The following POLA2 variants were observed in gnomAD, a reference collection of about 807,000 sequenced individuals.
POLA2 encodes DNA polymerase alpha 2, accessory subunit.
POLA2 carries 47 observed loss-of-function variants against 82.8 expected under a neutral mutation model. The observed-to-expected ratio is 0.57, with a 90% confidence interval of 0.45 to 0.72. The LOEUF is 0.72. POLA2 is among the 30% of genes least tolerant of loss of function. The probability of loss-of-function intolerance (pLI) is 0.00; values close to 1 mark genes in which losing one functional copy is unlikely to be tolerated. For missense variants in POLA2, 634 were observed against 728.1 expected, an observed-to-expected ratio of 0.87 and a Z score of 1.49; for synonymous variants, 287 against 286.8, an observed-to-expected ratio of 1.00 and a Z score of -0.01.
chr11:65,303,022 T>A (rs1254172333), downstream of POLA2, among the ~76,000 whole-genome samples: 1 of 152,082 alleles, frequency 6.6e-6, no homozygotes, highest in Non-Finnish European at 1.5e-5. Flanking sequence ...TGTTTGAAAT[T>A]TTTTACCATG....
intron 12 of POLA2, 98 bp from the exon 13 acceptor site, chr11:65,289,701 C>T: frequency 1.4e-6 from 1 of 733,422 alleles, no homozygotes; most frequent in Non-Finnish European, 2.4e-6. Context: ...CAGCTCCTAG[C>T]CCAACAGCTG....
Position 65,266,572 on chromosome 11 carries a change from C to G in POLA2, c.80-10C>G. 4 of 1,613,028 alleles carry G rather than the reference C, an allele frequency of 2.5e-6. No individual in the cohort carries two copies. The highest frequency in any genetic ancestry group is 3.4e-6 in the Non-Finnish European group (4 of 1,179,552). ...CTAAGTTTTTACTTGTCCAATTTTC[C>G]TTTCTACAGTGGTAGAGCTTTGTGT... On this transcript the variant is annotated splice_polypyrimidine_tract_variant and intron_variant, in intron 1 of 17. Coordinates refer to ENST00000265465, the MANE Select transcript of POLA2 (RefSeq NM_002689.4).
intron 3 of POLA2, among the ~76,000 whole-genome samples, 154 bp from the exon 4 acceptor site, chr11:65,268,515 ATTT>A (rs988249574): frequency 1.3e-5 from 2 of 149,740 alleles, no homozygotes; most frequent in East Asian, 3.9e-4. Context: ...AATTTTTTGT[ATTT>A]TTTTTAGTAG....
chr11:65,287,524 CT>C, intron 10 of POLA2, 191 bp from the exon 11 acceptor site: 1 of 405,612 alleles, frequency 2.5e-6, no homozygotes, highest in African/African-American at 2.2e-5. Context: ...ACCTGCCTGT[CT>C]CTGTCTCTAT....
intron 1 of POLA2, among the ~76,000 whole-genome samples, chr11:65,264,718 C>T (rs1029210516): frequency 6.6e-6 from 1 of 152,224 alleles, no homozygotes; most frequent in Admixed American, 6.5e-5. Context: ...TTTCCGTATT[C>T]CTAGCAAAAT....
In POLA2 at chr11:65,294,235, T is replaced by A. The variant is rs754266205; in HGVS notation, c.1327T>A (p.Ser443Thr). The change falls in exon 14 of 18, where the codon TCC becomes ACC. Residue 443 changes from serine (S) to threonine (T), a missense_variant. Ser to Thr is a moderately conservative substitution (Grantham distance 58). Transcript: ENST00000265465. ...PVYPQPPFSYSDLSREDKKQV... is the reference protein window; with the variant it reads ...PVYPQPPFSYTDLSREDKKQV... ...GTACCCCCAGCCGCCTTTCAGCTAC[T>A]CCGATCTGTCTCGAGAGGACAAAAA... 6.2e-7 allele frequency: 1 copy of A among 1,614,092 alleles called. No individual in the cohort carries two copies. Among genetic ancestry groups the A allele is most frequent in the Non-Finnish European group, 8.5e-7 (1 of 1,179,958 alleles).
At chr11:65,281,586 A>G (rs1056922855) in intron 8 of POLA2, 84 bp from the exon 9 acceptor site, 2 of 989,940 alleles carry the variant, frequency 2.0e-6, no homozygotes, top group South Asian at 2.6e-5. Context: ...TAGTTGGACA[A>G]TGCTTTTAAC....
chr11:65,275,712 G>A (rs1270242343), intron 4 of POLA2, among the ~76,000 whole-genome samples, 180 bp from the exon 5 acceptor site: 1 of 152,200 alleles, frequency 6.6e-6, no homozygotes, highest in Non-Finnish European at 1.5e-5. Flanking sequence ...GTTGGTTACA[G>A]TTGTTGAAGA....
chr11:65,271,154 T>TAAG (rs1949517164), intron 4 of POLA2, among the ~76,000 whole-genome samples: 1 of 152,254 alleles, frequency 6.6e-6, no homozygotes, highest in Non-Finnish European at 1.5e-5. Context: ...CTTTTTTGTT[T>TAAG]TAGTCGGCCT....
intron 10 of POLA2, among the ~76,000 whole-genome samples, chr11:65,284,725 C>G (rs924984330): frequency 1.1e-4 from 16 of 152,002 alleles, no homozygotes; most frequent in Non-Finnish European, 4.4e-5. Flanking sequence ...TGGGGTTTCT[C>G]CATGTTGGTC....
At chr11:65,302,515 TA>T (rs1949864294), downstream of POLA2, among the ~76,000 whole-genome samples, 1 of 152,068 alleles carries the variant, frequency 6.6e-6, no homozygotes, top group Admixed American at 6.5e-5. Context: ...TCCCAGCGAA[TA>T]GGGGGAAAAG....
chr11:65,280,211 G>A (rs1949625916), intron 7 of POLA2, among the ~76,000 whole-genome samples: 1 of 152,226 alleles, frequency 6.6e-6, no homozygotes, highest in African/African-American at 2.4e-5. Context: ...ATGCAGAACT[G>A]TGTCATAGAA....
intron 13 of POLA2, among the ~76,000 whole-genome samples, chr11:65,290,417 TC>T (rs1949742833): frequency 1.3e-5 from 2 of 151,798 alleles, no homozygotes. Context: ...ATGCCTGTAA[TC>T]CCAACTACTG....
At chr11:65,302,553 C>T (rs1384978021), downstream of POLA2, among the ~76,000 whole-genome samples, 2 of 152,158 alleles carry the variant, frequency 1.3e-5, no homozygotes, top group African/African-American at 2.4e-5. Flanking sequence ...TTCCTGGCAG[C>T]TTCTTCCCTT....
intron 4 of POLA2, among the ~76,000 whole-genome samples, chr11:65,270,898 T>C (rs1949514529): frequency 6.6e-6 from 1 of 152,232 alleles, no homozygotes; most frequent in African/African-American, 2.4e-5. Context: ...CCTCCTGATA[T>C]GCAAAGTTTG....
chr11:65,265,160 T>G (rs559412745), intron 1 of POLA2, among the ~76,000 whole-genome samples: 1 of 146,546 alleles, frequency 6.8e-6, no homozygotes. Flanking sequence ...ATCGGGGAGG[T>G]GGAGGTTGCA....
At chr11:65,276,851 G>T (rs1337566957) in intron 5 of POLA2, among the ~76,000 whole-genome samples, 1 of 150,976 alleles carries the variant, frequency 6.6e-6, no homozygotes, top group Admixed American at 6.6e-5. Context: ...GAGTGCAGTG[G>T]CACCATCTTG....
chr11:65,292,963 T>G (rs1344319494), intron 13 of POLA2, among the ~76,000 whole-genome samples: 3 of 152,230 alleles, frequency 2.0e-5, no homozygotes, highest in Admixed American at 6.5e-5. Context: ...AACGGGGCTT[T>G]CTTCCTCTTT....
rs12794623 is a variant in POLA2 at position 65,261,966 on chromosome 11, C to T, written c.-327C>T. 1 of 402,990 alleles carries T rather than the reference C, an allele frequency of 2.5e-6. No individual in the cohort carries two copies. Among genetic ancestry groups the T allele is most frequent in the African/African-American group, 2.1e-5 (1 of 47,596 alleles). 25.0% of individuals were successfully genotyped at this position (402,990 alleles called of 1,614,324 possible). A position where few individuals can be genotyped will look rare whatever the true frequency, so the allele number is the denominator to read the frequency against. On this transcript the variant is annotated 5_prime_UTR_variant, in exon 1 of 18. Transcript: ENST00000265465. The stretch of plus-strand genomic sequence containing the variant: ...GGCGGGTTTTTCCGGCCACTCAGTT[C>T]TGCCACCGTCACTGAGAAGCTCAGC...
Sources: allele counts gnomAD v4.1 joint callset (sites outside exome capture counted in the v4.1 genomes callset), GRCh38; gene constraint gnomAD v4.1.1; transcripts MANE v1.5; gene names NCBI Gene and HGNC (gene_info 2026-07-23, HGNC 2026-07-21).